The following NIM1K variants were observed in gnomAD, a reference collection of about 807,000 sequenced individuals.
NIM1K encodes the protein serine/threonine-protein kinase NIM1.
A neutral mutation model predicts 37.1 loss-of-function variants in NIM1K; 35 were observed. The ratio of observed to expected loss-of-function variants is 0.94; its 90% CI spans 0.72 to 1.25. The LOEUF (loss-of-function observed/expected upper bound fraction) is 1.25, where lower values mean the gene tolerates loss of function less well. Ranked by LOEUF, NIM1K falls within the 50% of genes most tolerant of loss-of-function variation. The pLI is 0.00. For synonymous variants in NIM1K, 234 were observed against 206.6 expected, an observed-to-expected ratio of 1.13 and a Z score of -1.14; for missense variants, 564 against 548.0, an observed-to-expected ratio of 1.03 and a Z score of -0.29.
Position 43,229,995 on chromosome 5 carries a change from T to C in NIM1K, c.-694-15087T>C, listed in dbSNP as rs574951391. Among the ~76,000 whole-genome samples, 38 of 152,280 alleles carry C rather than the reference T, an allele frequency of 2.5e-4. No individual in the cohort carries two copies. The Middle Eastern group carries it at 0.014, about 55-fold the overall frequency. On this transcript the variant is annotated intron_variant, in intron 1 of 3. Transcript: ENST00000326035. ...ACTTCCTTTGAAATATCTCTACCTT[T>C]ACCTATAGATAAACAGATACCAATT... is the stretch of plus-strand genomic sequence containing the variant.
chr5:43,262,556 G>A (rs1351556841), intron 2 of NIM1K, among the ~76,000 whole-genome samples: 1 of 152,160 alleles, frequency 6.6e-6, no homozygotes, highest in African/African-American at 2.4e-5. Context: ...TTTGCAAACA[G>A]GGACAATTTG....
chr5:43,233,830 G>A (rs1450914985), intron 1 of NIM1K, among the ~76,000 whole-genome samples: 4 of 152,218 alleles, frequency 2.6e-5, no homozygotes, highest in Non-Finnish European at 4.4e-5. Flanking sequence ...AGCAGATGAA[G>A]AATACATTTT....
chr5:43,232,356 C>T, intron 1 of NIM1K: 8 of 1,338,228 alleles, frequency 6.0e-6, no homozygotes, highest in Non-Finnish European at 7.5e-6. Context: ...GATGACAGGG[C>T]ATATGTGTCC....
chr5:43,219,099 C>A (rs1752347706), intron 1 of NIM1K, among the ~76,000 whole-genome samples: 1 of 152,152 alleles, frequency 6.6e-6, no homozygotes. Context: ...TGAAGGAGGA[C>A]ATGTTCGCTT....
chr5:43,253,825 A>AT (rs1218331100), intron 2 of NIM1K, among the ~76,000 whole-genome samples: 4 of 150,948 alleles, frequency 2.6e-5, no homozygotes, highest in Non-Finnish European at 4.4e-5. Context: ...ATGCTCGGCA[A>AT]TTTTTTTTTG....
At chr5:43,250,980 G>C (rs1230493326) in intron 2 of NIM1K, among the ~76,000 whole-genome samples, 1 of 152,122 alleles carries the variant, frequency 6.6e-6, no homozygotes, top group African/African-American at 2.4e-5. Context: ...TAATCTCTTT[G>C]GTCCTCAGTT....
chr5:43,194,586 T>C (rs1320438102), intron 1 of NIM1K, among the ~76,000 whole-genome samples: 1 of 152,208 alleles, frequency 6.6e-6, no homozygotes, highest in Non-Finnish European at 1.5e-5. Context: ...AGGTTTTTAG[T>C]TGAAAAGGTT....
At chr5:43,272,131 A>C (rs1373994333) in intron 2 of NIM1K, among the ~76,000 whole-genome samples, 1 of 152,170 alleles carries the variant, frequency 6.6e-6, no homozygotes, top group Non-Finnish European at 1.5e-5. Flanking sequence ...AATGATGTTG[A>C]ATATTAAAAA....
intron 2 of NIM1K, among the ~76,000 whole-genome samples, chr5:43,251,921 G>A (rs1303133122): frequency 6.6e-6 from 1 of 152,136 alleles, no homozygotes; most frequent in Non-Finnish European, 1.5e-5. Context: ...GGGCATGCCC[G>A]TGTCAGTGAG....
intron 2 of NIM1K, among the ~76,000 whole-genome samples, chr5:43,255,040 T>C (rs999257180): frequency 9.9e-5 from 15 of 152,246 alleles, no homozygotes; most frequent in African/African-American, 3.6e-4. Context: ...CATTGTCGTG[T>C]TATTTATAGT....
At chr5:43,250,932 C>T (rs1752859006) in intron 2 of NIM1K, among the ~76,000 whole-genome samples, 1 of 152,292 alleles carries the variant, frequency 6.6e-6, no homozygotes, top group African/African-American at 2.4e-5. Flanking sequence ...CTGAAATACT[C>T]ATTCAGTAAC....
intron 1 of NIM1K, among the ~76,000 whole-genome samples, chr5:43,198,183 CTT>C (rs766121337): frequency 0.072 from 4,988 of 69,178 alleles, 99 homozygotes; most frequent in Non-Finnish European, 0.081. Flanking sequence ...TTCTTTCTTT[CTT>C]TCTTTCTTTC....
chr5:43,275,333 C>T (rs1217509216), intron 2 of NIM1K, among the ~76,000 whole-genome samples: 3 of 152,198 alleles, frequency 2.0e-5, no homozygotes, highest in Admixed American at 2.0e-4. Flanking sequence ...TTAACTATCT[C>T]TCTTGCTGGG....
intron 1 of NIM1K, among the ~76,000 whole-genome samples, chr5:43,218,622 G>A (rs1752339050): frequency 6.6e-6 from 1 of 151,998 alleles, no homozygotes; most frequent in South Asian, 2.1e-4. Context: ...CTAACACAGG[G>A]GACAACATGA....
chr5:43,197,885 A>G lies in NIM1K; in HGVS notation c.-695+5474A>G, dbSNP rs73751049. On this transcript the variant is annotated intron_variant, in intron 1 of 3. Coordinates refer to ENST00000326035, the MANE Select transcript of NIM1K (RefSeq NM_153361.4). ...TAGCTGTAGATTTAGTTATATCTACATTGTTCCTGGGGGTAACTTGTACAC... is the reference window on the plus strand; with the variant it reads ...TAGCTGTAGATTTAGTTATATCTACGTTGTTCCTGGGGGTAACTTGTACAC... 3.8e-3 allele frequency among the ~76,000 whole-genome samples: 573 copies of G among 152,336 alleles called. 5 individuals are homozygous for G. Among genetic ancestry groups the G allele is most frequent in the African/African-American group, 0.012 (509 of 41,576 alleles).
intron 1 of NIM1K, among the ~76,000 whole-genome samples, chr5:43,196,724 C>T (rs1751922123): frequency 6.6e-6 from 1 of 152,098 alleles, no homozygotes; most frequent in Non-Finnish European, 1.5e-5. Flanking sequence ...GAACTCTTGG[C>T]TGTTTGATCA....
intron 2 of NIM1K, among the ~76,000 whole-genome samples, chr5:43,256,967 C>T (rs191793559): frequency 1.9e-4 from 29 of 152,226 alleles, no homozygotes; most frequent in South Asian, 4.2e-4. Flanking sequence ...TGGCTCTGTC[C>T]GAACCCAAAC....
At chr5:43,255,234 TATG>T (rs923470252) in intron 2 of NIM1K, among the ~76,000 whole-genome samples, 7 of 152,186 alleles carry the variant, frequency 4.6e-5, no homozygotes, top group African/African-American at 1.4e-4. Flanking sequence ...CGCACACTAT[TATG>T]ATAATACTTA....
intron 2 of NIM1K, among the ~76,000 whole-genome samples, chr5:43,261,394 C>T (rs1753028363): frequency 6.6e-6 from 1 of 152,222 alleles, no homozygotes; most frequent in Non-Finnish European, 1.5e-5. Context: ...CTGTTGGCTG[C>T]ATAAATGTCT....
Sources: allele counts gnomAD v4.1 joint callset (sites outside exome capture counted in the v4.1 genomes callset), GRCh38; gene constraint gnomAD v4.1.1; transcripts MANE v1.5; gene names NCBI Gene and HGNC (gene_info 2026-07-23, HGNC 2026-07-21).